Variants in BGN observed in about 807,000 individuals in gnomAD.
The protein encoded by BGN is bone/cartilage proteoglycan-I.
BGN carries 6 observed loss-of-function variants against 20.0 expected under a neutral mutation model. The observed-to-expected ratio is 0.30, with a 90% CI of 0.16 to 0.59. BGN has a LOEUF of 0.59. BGN is among the 20% of genes least tolerant of loss of function. The pLI is 0.88. For missense variants in BGN, 292 were observed against 312.1 expected (o/e 0.94, Z 0.49); for synonymous variants, 146 against 134.6 (o/e 1.08, Z -0.59).
chrX:153,496,353 C>A (rs954422112), intron 1 of BGN, among the ~76,000 whole-genome samples: 1 of 113,025 alleles, frequency 8.8e-6, no homozygotes, highest in African/African-American at 3.2e-5. Context: ...GGGTGAGCAC[C>A]TCCTGGTGAC....
intron 1 of BGN, among the ~76,000 whole-genome samples, chrX:153,501,662 T>C (rs929141635): frequency 1.8e-5 from 2 of 112,221 alleles, no homozygotes; most frequent in East Asian, 5.7e-4. Context: ...AGGTCTCAGT[T>C]TTGTGCCAGT....
At chrX:153,495,172 C>G (rs1398284527) in intron 1 of BGN, 59 bp downstream of exon 1, 1 of 110,968 alleles carries the variant, frequency 9.0e-6, no homozygotes, top group Non-Finnish European at 1.9e-5. Flanking sequence ...GCTCTGCTGC[C>G]TCCGCTGTCC....
chrX:153,507,457 A>G (rs1298349808), intron 7 of BGN, among the ~76,000 whole-genome samples: 2 of 112,437 alleles, frequency 1.8e-5, no homozygotes, highest in African/African-American at 6.5e-5. Flanking sequence ...CAGGGAGTCG[A>G]GAAACTGTGG....
intron 7 of BGN, 29 bp from the exon 8 acceptor site, chrX:153,508,219 C>T: frequency 1.7e-6 from 2 of 1,205,666 alleles, no homozygotes; most frequent in Non-Finnish European, 2.2e-6. Context: ...GGAGGGAGGC[C>T]TGCCGTGACC....
Position 153,505,275 on chromosome X carries a change from C to A in BGN, c.276C>A (p.Thr92=). ...KSVPKEISPD[T]TLLDLQNNDI... ...TGCCCAAAGAGATCTCCCCTGACAC[C>A]ACGCTGCTGGACCTGCAGAACAACG... is the stretch of plus-strand genomic sequence containing the variant. Residue 92 remains threonine, a synonymous_variant, in exon 3 of 8, where the codon ACC becomes ACA. Transcript: ENST00000331595. 8.3e-7 allele frequency: 1 copy of A among 1,210,132 alleles called. No homozygotes were observed. Among genetic ancestry groups the A allele is most frequent in the South Asian group, 1.8e-5 (1 of 56,909 alleles).
At chrX:153,505,594 G>A (rs1166277153) in intron 3 of BGN, among the ~76,000 whole-genome samples, 1 of 111,940 alleles carries the variant, frequency 8.9e-6, no homozygotes, top group East Asian at 2.8e-4. Context: ...GTTTCATCAC[G>A]TCCACTCCTC....
At chrX:153,500,292 C>T (rs1400275238) in intron 1 of BGN, among the ~76,000 whole-genome samples, 2 of 112,835 alleles carry the variant, frequency 1.8e-5, no homozygotes, top group Non-Finnish European at 3.8e-5. Flanking sequence ...CACCTGCGGT[C>T]GCCAAACCTG....
At chrX:153,507,291 C>G in intron 7 of BGN, 106 bp downstream of exon 7, 1 of 1,015,810 alleles carries the variant, frequency 9.8e-7, no homozygotes, top group Non-Finnish European at 1.3e-6. Context: ...CCGACCGGCT[C>G]TGGGCATCTG....
intron 1 of BGN, among the ~76,000 whole-genome samples, chrX:153,501,542 C>T (rs1242636868): frequency 8.9e-6 from 1 of 112,881 alleles, no homozygotes; most frequent in Non-Finnish European, 1.9e-5. Flanking sequence ...ATCAGGCCAG[C>T]TCCAGGGGAT....
rs73633617 is a variant in BGN, at chrX:153,506,988, C to T, written c.771-59C>T. On this transcript the variant is annotated intron_variant, in intron 6 of 7. Transcript: ENST00000331595. The stretch of plus-strand genomic sequence containing the variant: ...TCCCTCAGTGCTGTGTGGCCCCTCG[C>T]GCCCAGCCCCCCATCCTTACCTCCA... 3,007 of 1,206,959 alleles carry T rather than the reference C, an allele frequency of 2.5e-3. 56 individuals carry two copies. In the African/African-American group the frequency reaches 0.047, roughly 19 times the overall value.
At chrX:153,502,155 G>A (rs183874866) in intron 1 of BGN, among the ~76,000 whole-genome samples, 1 of 112,420 alleles carries the variant, frequency 8.9e-6, no homozygotes, top group African/African-American at 3.2e-5. Context: ...GGGTCCTGGG[G>A]GGCTCCAAGC....
rs372061104 is a variant in BGN at position 153,506,681 on chromosome X, C to G, written c.676+42C>G. On this transcript the variant is annotated intron_variant, in intron 5 of 7. Coordinates refer to ENST00000331595, the MANE Select transcript of BGN (RefSeq NM_001711.6). ...TCCTGCACGCCTGCCTGCCTCACCC[C>G]CAACAGCACAGATGGCCAGGGTGGG... 1.1e-5 allele frequency: 13 copies of G among 1,176,043 alleles called. No individual in the cohort carries two copies. The African/African-American group carries it at 1.8e-4, about 16-fold the overall frequency.
At chrX:153,498,761 T>G (rs2089736050) in intron 1 of BGN, among the ~76,000 whole-genome samples, 1 of 112,036 alleles carries the variant, frequency 8.9e-6, no homozygotes, top group Non-Finnish European at 1.9e-5. Flanking sequence ...CGATGGCTTT[T>G]CCAGGAGACT....
chrX:153,505,123 T>A, intron 2 of BGN, 115 bp from the exon 3 acceptor site: 1 of 640,520 alleles, frequency 1.6e-6, no homozygotes, highest in South Asian at 2.7e-5. Context: ...GCTGGATGGC[T>A]CCAAGTTCAT....
At chrX:153,500,683 A>G (rs1435706591) in intron 1 of BGN, among the ~76,000 whole-genome samples, 1 of 112,194 alleles carries the variant, frequency 8.9e-6, no homozygotes, top group Non-Finnish European at 1.9e-5. Flanking sequence ...GCGTGTATAC[A>G]GGTGTATATG....
rs2089800850 is a variant in BGN at position 153,506,427 on chromosome X, A to G, written c.566-102A>G. 8.1e-6 allele frequency: 6 copies of G among 738,501 alleles called. No individual in the cohort carries two copies. The East Asian group carries it at 1.9e-4, about 23-fold the overall frequency. The allele number at this position is 738,501 out of a possible 1,213,427, so 60.9% of individuals were successfully genotyped here. On this transcript the variant is annotated intron_variant, in intron 4 of 7. Transcript: ENST00000331595. Reference sequence around the variant, plus strand: ...AGAACTGCTTTCAGGAGACGGGAGCAGCCGGCAGGTAGCAGGGCCCACCAC... The same window carrying G: ...AGAACTGCTTTCAGGAGACGGGAGCGGCCGGCAGGTAGCAGGGCCCACCAC...
At chrX:153,498,609 A>C (rs1449148025) in intron 1 of BGN, among the ~76,000 whole-genome samples, 1 of 112,694 alleles carries the variant, frequency 8.9e-6, no homozygotes, top group Admixed American at 9.3e-5. Flanking sequence ...GGGTTGCGGC[A>C]GGGAGGGGCT....
At chrX:153,502,822 T>C (rs2124226694) in intron 1 of BGN, among the ~76,000 whole-genome samples, 1 of 112,935 alleles carries the variant, frequency 8.9e-6, no homozygotes, top group Non-Finnish European at 1.9e-5. Flanking sequence ...CTTTGCAGTG[T>C]GGCCCAGGGC....
intron 1 of BGN, among the ~76,000 whole-genome samples, chrX:153,504,392 A>T (rs781919796): frequency 1.8e-5 from 2 of 112,131 alleles, no homozygotes; most frequent in African/African-American, 3.2e-5. Flanking sequence ...TAGTGGAAGC[A>T]GTGAAGGGAG....
Sources: allele counts gnomAD v4.1 joint callset (sites outside exome capture counted in the v4.1 genomes callset), GRCh38; gene constraint gnomAD v4.1.1; transcripts MANE v1.5; gene names NCBI Gene and HGNC (gene_info 2026-07-23, HGNC 2026-07-21).